Variants in SLC7A6 observed in about 807,000 individuals in gnomAD.
SLC7A6 encodes the protein Y+L amino acid transporter 2.
SLC7A6 carries 29 observed loss-of-function variants against 46.6 expected under a neutral mutation model. The ratio of observed to expected loss-of-function variants is 0.62; its 90% confidence interval spans 0.46 to 0.85. SLC7A6 has a LOEUF of 0.85. Ranked by LOEUF, SLC7A6 falls within the 40% of genes least tolerant of loss-of-function variation. The probability of loss-of-function intolerance (pLI) is 0.00; values close to 1 mark genes in which losing one functional copy is unlikely to be tolerated. For missense variants in SLC7A6, 527 were observed against 647.6 expected (o/e 0.81, Z 2.02); for synonymous variants, 276 against 257.3 (o/e 1.07, Z -0.70).
intron 2 of SLC7A6, among the ~76,000 whole-genome samples, chr16:68,268,125 CTAGCAAAT>C (rs2042566878): frequency 2.0e-5 from 3 of 152,212 alleles, no homozygotes; most frequent in Admixed American, 6.5e-5. Flanking sequence ...GTGAGCCGCT[CTAGCAAAT>C]TAATTGAACT....
intron 3 of SLC7A6, among the ~76,000 whole-genome samples, chr16:68,277,995 A>G (rs937312156): frequency 2.7e-5 from 4 of 150,420 alleles, no homozygotes; most frequent in Non-Finnish European, 4.4e-5. Flanking sequence ...GCTGGAGTAC[A>G]GTGGCTCGAT....
intron 4 of SLC7A6, among the ~76,000 whole-genome samples, chr16:68,289,232 G>A (rs1237368879): frequency 6.6e-6 from 1 of 152,162 alleles, no homozygotes; most frequent in African/African-American, 2.4e-5. Context: ...GGCAGAGGTT[G>A]CAGTGAGCCA....
At chr16:68,283,617 C>T (rs2151222126) in intron 3 of SLC7A6, among the ~76,000 whole-genome samples, 1 of 125,628 alleles carries the variant, frequency 8.0e-6, no homozygotes. Flanking sequence ...GATAACTAGC[C>T]ATGTCTGCCA....
chr16:68,291,951 GTGTGCTGGTAGCTCATGTTTA>G (rs946326306), intron 7 of SLC7A6: 14 of 342,578 alleles, frequency 4.1e-5, no homozygotes, highest in South Asian at 3.4e-4. Flanking sequence ...CTCATATTTT[GTGTGCTGGTAGCTCATGTTTA>G]TGTGCTGGTA....
chr16:68,294,850 C>G, intron 8 of SLC7A6, 49 bp downstream of exon 8: 1 of 1,300,052 alleles, frequency 7.7e-7, no homozygotes, highest in Non-Finnish European at 1.1e-6. Flanking sequence ...TGCATTGCTC[C>G]TTCTGATTTG....
chr16:68,273,772 T>A (rs1479243127), intron 2 of SLC7A6: 1 of 117,034 alleles, frequency 8.5e-6, no homozygotes, highest in Non-Finnish European at 1.7e-5. Context: ...TACCCAGGCA[T>A]GTATTTTTTT....
At chr16:68,276,624 G>GTC (rs1696550100) in intron 3 of SLC7A6, among the ~76,000 whole-genome samples, 1 of 152,180 alleles carries the variant, frequency 6.6e-6, no homozygotes, top group South Asian at 2.1e-4. Context: ...CTGCTCAGCT[G>GTC]TATGTCTGAT....
rs958238746 is a variant in SLC7A6, at chr16:68,297,965, T to C, written c.*637T>C. ...TTTGGGCTCAGAAATGTCTGTGGTA[T>C]TGGGTCAGACTCTGACCACAGGTTT... is the stretch of plus-strand genomic sequence containing the variant. On this transcript the variant is annotated 3_prime_UTR_variant, in exon 11 of 11. Transcript: ENST00000219343. 1.3e-5 allele frequency: 2 copies of C among 152,672 alleles called. No individual in the cohort carries two copies. Among genetic ancestry groups the C allele is most frequent in the Non-Finnish European group, 2.9e-5 (2 of 68,048 alleles). 9.5% of individuals were successfully genotyped at this position (152,672 alleles called of 1,614,324 possible). A position where few individuals can be genotyped will look rare whatever the true frequency, so the allele number is the denominator to read the frequency against.
rs999738375 is a variant in SLC7A6 at position 68,274,280 on chromosome 16, C to T, written c.-36-411C>T. ...TACCTGGGTATGGACAGTGAGAAGCCTTTTAGGCTGGTGATGACTGTGTAC... is the reference window on the plus strand; with the variant it reads ...TACCTGGGTATGGACAGTGAGAAGCTTTTTAGGCTGGTGATGACTGTGTAC... On this transcript the variant is annotated intron_variant, in intron 2 of 10. Coordinates refer to ENST00000219343, the MANE Select transcript of SLC7A6 (RefSeq NM_003983.6). 3.9e-5 allele frequency among the ~76,000 whole-genome samples: 6 copies of T among 152,140 alleles called. No homozygotes were observed. In the South Asian group the frequency reaches 1.2e-3, roughly 31 times the overall value.
chr16:68,275,030 G>A lies in SLC7A6; in HGVS notation c.304G>A (p.Gly102Arg), dbSNP rs766094651. The A allele has an allele frequency of 5.0e-6, 8 of 1,614,018 alleles. No homozygotes were observed. The highest frequency in any genetic ancestry group is 6.8e-6 in the Non-Finnish European group (8 of 1,180,030). The change falls in exon 3 of 11, where the codon GGG (glycine) becomes AGG (arginine). Residue 102 changes from glycine to arginine, a missense_variant. Physicochemically the swap from Gly to Arg is moderately radical, Grantham distance 125. Coordinates refer to ENST00000219343, the MANE Select transcript of SLC7A6 (RefSeq NM_003983.6). ...GGGTGCCCTTTGTTATGCAGAGCTG[G>A]GGACCACCATCACCAAGTCGGGAGC... ...VVGALCYAELGTTITKSGASY... is the reference protein window; with the variant it reads ...VVGALCYAELRTTITKSGASY...
intron 3 of SLC7A6, among the ~76,000 whole-genome samples, chr16:68,277,708 A>T (rs1213324201): frequency 6.6e-6 from 1 of 151,580 alleles, no homozygotes; most frequent in Non-Finnish European, 1.5e-5. Flanking sequence ...GCTCATCGCA[A>T]CCTCGGCCTC....
chr16:68,290,976 C>T, intron 5 of SLC7A6: 1 of 540,574 alleles, frequency 1.8e-6, no homozygotes. Flanking sequence ...CCCAGTAGGA[C>T]CCATTGGTCC....
At chr16:68,272,190 G>A (rs2042634311) in intron 2 of SLC7A6, among the ~76,000 whole-genome samples, 1 of 152,140 alleles carries the variant, frequency 6.6e-6, no homozygotes, top group African/African-American at 2.4e-5. Flanking sequence ...AAGGTAGGAG[G>A]ATCAGTTGAG....
At chr16:68,277,304 C>A (rs982017329) in intron 3 of SLC7A6, among the ~76,000 whole-genome samples, 1 of 66,160 alleles carries the variant, frequency 1.5e-5, no homozygotes, top group Non-Finnish European at 3.0e-5. Context: ...TCAAGCTGGT[C>A]GAGAAGAGTA....
chr16:68,283,592 G>GAAAAAAGGA (rs67757354), intron 3 of SLC7A6, among the ~76,000 whole-genome samples: 1 of 151,818 alleles, frequency 6.6e-6, no homozygotes, highest in Non-Finnish European at 1.5e-5. Flanking sequence ...AAAAAGGGAA[G>GAAAAAAGGA]AACAGATAGA....
intron 7 of SLC7A6, among the ~76,000 whole-genome samples, chr16:68,294,152 C>T (rs186007815): frequency 3.1e-4 from 47 of 152,166 alleles, no homozygotes; most frequent in Admixed American, 1.4e-3. Flanking sequence ...CCTCGGCTTC[C>T]GAAAGTGCTG....
chr16:68,291,474 G>C (rs2043047914), intron 6 of SLC7A6, 84 bp from the exon 7 acceptor site: 1 of 1,578,480 alleles, frequency 6.3e-7, no homozygotes, highest in Non-Finnish European at 8.7e-7. Flanking sequence ...GCTTAGCAGT[G>C]ATTGCATTTG....
intron 2 of SLC7A6, among the ~76,000 whole-genome samples, chr16:68,270,441 T>C (rs2042606863): frequency 6.6e-6 from 1 of 152,076 alleles, no homozygotes; most frequent in South Asian, 2.1e-4. Flanking sequence ...GAGAAGGGTA[T>C]AGGTTGGCCT....
At chr16:68,295,073 TCAA>T (rs1378683734) in intron 8 of SLC7A6, among the ~76,000 whole-genome samples, 2 of 152,224 alleles carry the variant, frequency 1.3e-5, no homozygotes, top group African/African-American at 2.4e-5. Flanking sequence ...TATCGCTCAC[TCAA>T]CAATCCATTT....
Sources: gnomAD v4.1 joint callset for allele counts (sites outside exome capture counted in the v4.1 genomes callset) on GRCh38, gnomAD v4.1.1 for gene constraint, MANE v1.5 for transcripts, NCBI Gene and HGNC (gene_info 2026-07-23, HGNC 2026-07-21) for gene names.